The following ORC5 variants were observed in gnomAD, a reference collection of about 807,000 sequenced individuals.
ORC5 encodes the protein protein phosphatase 1, regulatory subunit 117.
A neutral mutation model predicts 58.8 loss-of-function variants in ORC5; 39 were observed. The observed-to-expected ratio is 0.66, with a 90% CI of 0.51 to 0.87. The LOEUF (loss-of-function observed/expected upper bound fraction) is 0.87. Among genes scored for constraint, ORC5 ranks in the 40% least tolerant of loss-of-function variants. ORC5 has a pLI of 0.00. For missense variants in ORC5, 493 were observed against 506.3 expected (o/e 0.97, Z 0.25); for synonymous variants, 218 against 177.6 (o/e 1.23, Z -1.81).
chr7:104,167,531 ATGT>A lies in ORC5; in HGVS notation c.878-650_878-648del, dbSNP rs546035723. Among the ~76,000 whole-genome samples, 22 of 152,264 alleles carry A rather than the reference ATGT, an allele frequency of 1.4e-4. No individual in the cohort carries two copies. The South Asian group carries it at 4.6e-3, about 32-fold the overall frequency. ...CTATTTGTTGAAGGAGCTATGTCTA[ATGT>A]TTTTTTGTATCCCTACACTGCCTTG... On this transcript the variant is annotated intron_variant, in intron 9 of 13. Transcript: ENST00000297431.
At chr7:104,148,561 T>A (rs1049227428) in intron 12 of ORC5, among the ~76,000 whole-genome samples, 1 of 152,186 alleles carries the variant, frequency 6.6e-6, no homozygotes, top group Non-Finnish European at 1.5e-5. Context: ...GGATATAGAA[T>A]AACCTTGAGA....
chr7:104,134,416 CAAAAAAAAAAAA>C (rs1170848776), intron 13 of ORC5, among the ~76,000 whole-genome samples: 3 of 51,804 alleles, frequency 5.8e-5, no homozygotes, highest in Admixed American at 2.7e-4. Flanking sequence ...CACTCCATCT[CAAAAAAAAAAAA>C]AAAAAAAAAA....
chr7:104,150,559 GGA>G (rs1417601299), intron 12 of ORC5, among the ~76,000 whole-genome samples: 1 of 150,102 alleles, frequency 6.7e-6, no homozygotes, highest in African/African-American at 2.4e-5. Flanking sequence ...AAAAAAAAAA[GGA>G]GAGTGGTTTG....
intron 12 of ORC5, among the ~76,000 whole-genome samples, chr7:104,159,366 T>C (rs530210764): frequency 0.01 from 1,426 of 140,350 alleles, 9 homozygotes; most frequent in Non-Finnish European, 0.017. Context: ...TTAGGAGATA[T>C]ACCTAATGCT....
chr7:104,179,280 G>A (rs1316091164), intron 8 of ORC5, among the ~76,000 whole-genome samples: 2 of 152,052 alleles, frequency 1.3e-5, no homozygotes, highest in Non-Finnish European at 2.9e-5. Flanking sequence ...AAATAATTTT[G>A]TGTGGTAAAT....
chr7:104,161,031 T>C, intron 12 of ORC5, 41 bp downstream of exon 12: 1 of 1,082,104 alleles, frequency 9.2e-7, no homozygotes, highest in Non-Finnish European at 1.4e-6. Context: ...ATCTGAAGAA[T>C]CCCACAAAGA....
At chr7:104,151,464 G>T (rs941495762) in intron 12 of ORC5, among the ~76,000 whole-genome samples, 1 of 151,494 alleles carries the variant, frequency 6.6e-6, no homozygotes, top group Non-Finnish European at 1.5e-5. Flanking sequence ...AAAATGAGAC[G>T]GTTCAGAGAT....
At chr7:104,205,795 T>C (rs575119943) in intron 1 of ORC5, among the ~76,000 whole-genome samples, 22 of 152,298 alleles carry the variant, frequency 1.4e-4, no homozygotes, top group African/African-American at 4.8e-4. Context: ...GGCAGGCAGA[T>C]CACTTGAGTT....
At chr7:104,187,639 A>T (rs1013222516) in intron 6 of ORC5, 2 of 560,184 alleles carry the variant, frequency 3.6e-6, no homozygotes, top group Non-Finnish European at 4.5e-6. Context: ...CCCTACAATT[A>T]AAACAAAAAA....
intron 4 of ORC5, 30 bp from the exon 5 acceptor site, chr7:104,195,284 C>T (rs2307400): frequency 0.73 from 940,866 of 1,287,698 alleles, 348,508 homozygotes; most frequent in Non-Finnish European, 0.76. Context: ...AAAGTAACTT[C>T]GCATTTAAAA....
At chr7:104,203,225 AGAG>A (rs1799988492) in intron 2 of ORC5, among the ~76,000 whole-genome samples, 1 of 152,198 alleles carries the variant, frequency 6.6e-6, no homozygotes, top group Non-Finnish European at 1.5e-5. Context: ...CCTCAGTGCT[AGAG>A]GAGGACGGGG....
At chr7:104,167,649 A>G (rs1290233037) in intron 9 of ORC5, among the ~76,000 whole-genome samples, 1 of 152,222 alleles carries the variant, frequency 6.6e-6, no homozygotes, top group African/African-American at 2.4e-5. Flanking sequence ...AAGGAATCTG[A>G]TATTTACTGA....
chr7:104,184,726 A>T (rs1799507931), intron 6 of ORC5, among the ~76,000 whole-genome samples: 1 of 152,216 alleles, frequency 6.6e-6, no homozygotes, highest in African/African-American at 2.4e-5. Flanking sequence ...CTGTAGAGGA[A>T]ATAAGAAAAC....
At chr7:104,190,521 G>A (rs1440770127) in intron 5 of ORC5, among the ~76,000 whole-genome samples, 1 of 151,752 alleles carries the variant, frequency 6.6e-6, no homozygotes, top group African/African-American at 2.4e-5. Flanking sequence ...ACCACATTAA[G>A]AGTCCTAACC....
intron 6 of ORC5, chr7:104,187,602 G>C (rs1799576219): frequency 3.8e-6 from 1 of 265,250 alleles, no homozygotes. Context: ...AGGGAAAACA[G>C]AAATTCTTGT....
rs568259573 is a variant in ORC5, at chr7:104,206,153, T to C, written c.72+1680A>G. ...ATTATATTGAACTGTTCCACTGTTATTTAACCTTTCACCTTCATAAATCTC... is the reference window on the plus strand; with the variant it reads ...ATTATATTGAACTGTTCCACTGTTACTTAACCTTTCACCTTCATAAATCTC... On this transcript the variant is annotated intron_variant, in intron 1 of 13. Coordinates refer to ENST00000297431, the MANE Select transcript of ORC5 (RefSeq NM_002553.4). 8.3e-4 allele frequency among the ~76,000 whole-genome samples: 126 copies of C among 152,356 alleles called. 1 individual carries two copies. Among genetic ancestry groups the C allele is most frequent in the African/African-American group, 2.8e-3 (118 of 41,584 alleles).
chr7:104,168,950 C>T (rs186450485), intron 8 of ORC5, among the ~76,000 whole-genome samples: 42 of 152,198 alleles, frequency 2.8e-4, no homozygotes, highest in Admixed American at 8.5e-4. Context: ...GGTATGGTGG[C>T]GCATGCCTAT....
Position 104,176,734 on chromosome 7 carries a change from T to A in ORC5, c.824+7209A>T, listed in dbSNP as rs191895010. 2.0e-3 allele frequency among the ~76,000 whole-genome samples: 310 copies of A among 152,316 alleles called. 1 individual carries two copies. The highest frequency in any genetic ancestry group is 7.1e-3 in the African/African-American group (297 of 41,568). ...TGTGTACAGTAGTTCAATACTTTTT[T>A]AAATATAAAAATAAATAAGCAAGCT... is the stretch of plus-strand genomic sequence containing the variant. On this transcript the variant is annotated intron_variant, in intron 8 of 13. Coordinates refer to ENST00000297431, the MANE Select transcript of ORC5 (RefSeq NM_002553.4).
chr7:104,161,297 T>C (rs1799018247), intron 11 of ORC5, 115 bp from the exon 12 acceptor site: 2 of 587,788 alleles, frequency 3.4e-6, no homozygotes, highest in Middle Eastern at 2.8e-4. Flanking sequence ...CCCCTAAAAA[T>C]GCTAACAAAT....
Sources: gnomAD v4.1 joint callset for allele counts (sites outside exome capture counted in the v4.1 genomes callset) on GRCh38, gnomAD v4.1.1 for gene constraint, MANE v1.5 for transcripts, NCBI Gene and HGNC (gene_info 2026-07-23, HGNC 2026-07-21) for gene names.